Variants in SNX10 observed in about 807,000 individuals in gnomAD.
The protein encoded by SNX10 is sorting nexin 10.
In SNX10, 25 loss-of-function variants were observed where a neutral mutation model predicts 28.5. The observed-to-expected ratio is 0.88, with a 90% CI of 0.64 to 1.22. SNX10 has a LOEUF of 1.22. Among genes scored for constraint, SNX10 ranks in the 50% most tolerant of loss-of-function variants. The pLI is 0.00. For missense variants in SNX10, 223 were observed against 242.6 expected, an observed-to-expected ratio of 0.92 and a Z score of 0.54; for synonymous variants, 62 against 81.4, an observed-to-expected ratio of 0.76 and a Z score of 1.28.
intron 2 of SNX10, among the ~76,000 whole-genome samples, chr7:26,350,996 G>A (rs1449617348): frequency 6.6e-6 from 1 of 151,614 alleles, no homozygotes; most frequent in Non-Finnish European, 1.5e-5. Flanking sequence ...GTTCACTGCA[G>A]AACATTTTTG....
At chr7:26,325,852 C>T (rs779833272) in intron 1 of SNX10, among the ~76,000 whole-genome samples, 43 of 151,584 alleles carry the variant, frequency 2.8e-4, no homozygotes, top group African/African-American at 6.5e-4. Flanking sequence ...CTCAGCCTCC[C>T]GAGTAGCTGA....
chr7:26,299,498 TC>T (rs1359590534), intron 1 of SNX10, among the ~76,000 whole-genome samples: 1 of 151,904 alleles, frequency 6.6e-6, no homozygotes, highest in African/African-American at 2.4e-5. Context: ...ATTTTTTTTT[TC>T]AGCTCACTGC....
chr7:26,321,809 G>T (rs936249508), intron 1 of SNX10, among the ~76,000 whole-genome samples: 19 of 151,262 alleles, frequency 1.3e-4, no homozygotes, highest in Admixed American at 4.6e-4. Context: ...GGGTCTTGCT[G>T]TGTTGCCCAG....
At chr7:26,313,162 A>C (rs1364812144) in intron 1 of SNX10, among the ~76,000 whole-genome samples, 1 of 152,244 alleles carries the variant, frequency 6.6e-6, no homozygotes, top group South Asian at 2.1e-4. Flanking sequence ...AGCCACAAAA[A>C]GAGAACGAGG....
In SNX10 at chr7:26,303,501, G is replaced by A. The variant is rs533734611; in HGVS notation, c.-24+11415G>A. Among the ~76,000 whole-genome samples the A allele has an allele frequency of 1.1e-4, 16 of 152,138 alleles. No homozygotes were observed. The South Asian group carries it at 3.3e-3, about 32-fold the overall frequency. On this transcript the variant is annotated intron_variant, in intron 1 of 6. Coordinates refer to ENST00000338523, the MANE Select transcript of SNX10 (RefSeq NM_013322.3). ...CTGATGCAGTCTTTCAGGCTCCTCC[G>A]ACCCTCTTTGTACATTTTTGTCTTC...
intron 5 of SNX10, among the ~76,000 whole-genome samples, chr7:26,371,491 A>G (rs1180693664): frequency 1.3e-5 from 2 of 152,166 alleles, no homozygotes; most frequent in Non-Finnish European, 2.9e-5. Context: ...AAGTAGAATA[A>G]CTTTCTATGA....
intron 1 of SNX10, among the ~76,000 whole-genome samples, chr7:26,308,565 G>A (rs1052156207): frequency 6.6e-6 from 1 of 152,200 alleles, no homozygotes; most frequent in Non-Finnish European, 1.5e-5. Flanking sequence ...ACACGTGGAG[G>A]TTCCTGGGGG....
intron 1 of SNX10, among the ~76,000 whole-genome samples, chr7:26,326,572 A>G (rs1444255807): frequency 6.6e-6 from 1 of 150,532 alleles, no homozygotes; most frequent in East Asian, 1.9e-4. Context: ...ACACCAGAGC[A>G]AGGCTGCCTG....
rs13243639 is a variant in SNX10 at position 26,339,074 on chromosome 7, C to T, written c.-23-7346C>T. The stretch of plus-strand genomic sequence containing the variant: ...AGTTCTGCAAAGGCAGACTGGACCC[C>T]AGGCAAGAAAGGGGTCTTTTCGGGA... On this transcript the variant is annotated intron_variant, in intron 1 of 6. Transcript: ENST00000338523. Among the ~76,000 whole-genome samples the T allele has an allele frequency of 2.0e-5, 3 of 152,166 alleles. 1 individual carries two copies. The highest frequency in any genetic ancestry group is 1.3e-4 in the Admixed American group (2 of 15,282).
chr7:26,368,475 G>A (rs544894766), intron 5 of SNX10, among the ~76,000 whole-genome samples: 1 of 152,224 alleles, frequency 6.6e-6, no homozygotes, highest in South Asian at 2.1e-4. Flanking sequence ...ATGAAAAATG[G>A]AATTCCTACT....
intron 1 of SNX10, among the ~76,000 whole-genome samples, chr7:26,308,934 TG>T (rs1786704569): frequency 6.6e-6 from 1 of 152,166 alleles, no homozygotes; most frequent in Admixed American, 6.5e-5. Flanking sequence ...TGCTTGTTGG[TG>T]GGAAGAAGTC....
chr7:26,297,477 T>C (rs917388165), intron 1 of SNX10, among the ~76,000 whole-genome samples: 4 of 152,214 alleles, frequency 2.6e-5, no homozygotes, highest in African/African-American at 9.6e-5. Context: ...AAAATATTGA[T>C]AGACCTAATT....
chr7:26,358,017 A>T (rs1026949245), intron 2 of SNX10, among the ~76,000 whole-genome samples: 2 of 152,170 alleles, frequency 1.3e-5, no homozygotes, highest in African/African-American at 2.4e-5. Flanking sequence ...GTGTGCAAAG[A>T]ACAACAGCCT....
chr7:26,312,023 G>A (rs888248654), intron 1 of SNX10, among the ~76,000 whole-genome samples: 6 of 152,062 alleles, frequency 3.9e-5, no homozygotes, highest in Admixed American at 6.5e-5. Flanking sequence ...TGCCTGCCTC[G>A]TCAGCTGTCA....
intron 1 of SNX10, among the ~76,000 whole-genome samples, chr7:26,344,276 A>T (rs1211572134): frequency 1.3e-5 from 2 of 149,228 alleles, no homozygotes; most frequent in Non-Finnish European, 3.0e-5. Flanking sequence ...GGCTCAAGTG[A>T]TCCTCCTACC....
chr7:26,347,606 T>C (rs1788438163), intron 2 of SNX10, among the ~76,000 whole-genome samples: 1 of 152,174 alleles, frequency 6.6e-6, no homozygotes, highest in Admixed American at 6.5e-5. Context: ...TCCCAGCACT[T>C]TGGGAGACCG....
intron 1 of SNX10, among the ~76,000 whole-genome samples, chr7:26,310,516 T>G (rs1308098108): frequency 6.6e-6 from 1 of 152,064 alleles, no homozygotes; most frequent in Non-Finnish European, 1.5e-5. Flanking sequence ...TAGGGGAGTC[T>G]GCTTTAGTGG....
chr7:26,312,797 T>C (rs140373204), intron 1 of SNX10, among the ~76,000 whole-genome samples: 3 of 151,548 alleles, frequency 2.0e-5, no homozygotes, highest in African/African-American at 7.3e-5. Context: ...AAAAAGAAAA[T>C]AGTGGCACCT....
intron 2 of SNX10, among the ~76,000 whole-genome samples, chr7:26,347,396 C>T (rs538716890): frequency 3.3e-5 from 5 of 152,114 alleles, no homozygotes; most frequent in Non-Finnish European, 5.9e-5. Flanking sequence ...TTGGGCTAGA[C>T]GGGCATGGTG....
Sources: gnomAD v4.1 joint callset for allele counts (sites outside exome capture counted in the v4.1 genomes callset) on GRCh38, gnomAD v4.1.1 for gene constraint, MANE v1.5 for transcripts, NCBI Gene and HGNC (gene_info 2026-07-23, HGNC 2026-07-21) for gene names.